TMEM40: variants seen among roughly 807,000 people sequenced by gnomAD.
The protein encoded by TMEM40 is transmembrane protein 40.
Under a neutral mutation model 40.8 loss-of-function variants are expected in TMEM40, and 34 were observed. The observed-to-expected ratio is 0.83, with a 90% CI of 0.63 to 1.11. The LOEUF is 1.11. TMEM40 is among the 50% of genes least tolerant of loss of function. The pLI, the probability that TMEM40 is intolerant of heterozygous loss-of-function variation, is 0.00. For synonymous variants in TMEM40, 106 were observed against 107.0 expected, an observed-to-expected ratio of 0.99 and a Z score of 0.06; for missense variants, 296 against 280.2, an observed-to-expected ratio of 1.06 and a Z score of -0.40.
rs2061338995 is a variant in TMEM40 at position 12,736,570 on chromosome 3, G to C, written c.619+8C>G. ...TGTGTGTGTGTCCATGCTGGGGGAGGGGCTTACCTAGTCCGAAGTAGATGC... is the reference window on the plus strand; with the variant it reads ...TGTGTGTGTGTCCATGCTGGGGGAGCGGCTTACCTAGTCCGAAGTAGATGC... On this transcript the variant is annotated splice_region_variant and intron_variant, in intron 10 of 11. Coordinates refer to ENST00000314124, the MANE Select transcript of TMEM40 (RefSeq NM_018306.4). 2 of 1,552,696 alleles carry C rather than the reference G, an allele frequency of 1.3e-6. No homozygotes were observed. The highest frequency in any genetic ancestry group is 1.7e-6 in the Non-Finnish European group (2 of 1,147,586).
rs147051806 is a variant in TMEM40 at position 12,742,476 on chromosome 3, C to T, written c.333G>A (p.Lys111=). ...TACCTCCATAGAGTTGAAGCTCATC[C>T]TTCAAAACGTCAGGCTCCCCATGCC... is the stretch of plus-strand genomic sequence containing the variant. ...GPGHGEPDVL[K]DELQLYGDAP... The change falls in exon 5 of 12, where the codon AAG becomes AAA. Residue 111 remains lysine, a synonymous_variant. Transcript: ENST00000314124. 6.1e-5 allele frequency: 99 copies of T among 1,613,826 alleles called. No homozygotes were observed. The highest frequency in any genetic ancestry group is 7.5e-5 in the Non-Finnish European group (89 of 1,179,934).
At chr3:12,738,236 G>A in intron 6 of TMEM40, 68 bp from the exon 7 acceptor site, 2 of 1,579,062 alleles carry the variant, frequency 1.3e-6, no homozygotes, top group East Asian at 2.2e-5. Flanking sequence ...CCTCCACCCT[G>A]GGGAAGGCTA....
chr3:12,749,813 G>C lies in TMEM40; in HGVS notation c.20C>G (p.Ser7Cys), dbSNP rs376280227. 6.2e-6 allele frequency: 10 copies of C among 1,613,956 alleles called. No homozygotes were observed. Among genetic ancestry groups the C allele is most frequent in the Non-Finnish European group, 8.5e-6 (10 of 1,180,050 alleles). ...TTGACTGTTGTCCTGAGGCTGGGAG[G>C]AGGATGCTGAAGTCTCCATGGCTTT... METSAS[S>C]SQPQDNSQVH... is the part of the protein sequence containing the mutation. The change falls in exon 2 of 12, where the codon TCC (serine) becomes TGC (cysteine). Residue 7 changes from serine to cysteine, a missense_variant. Transcript: ENST00000314124.
Position 12,749,118 on chromosome 3 carries a change from G to A in TMEM40, c.74-326C>T, listed in dbSNP as rs144861652. On this transcript the variant is annotated intron_variant, in intron 2 of 11. Coordinates refer to ENST00000314124, the MANE Select transcript of TMEM40 (RefSeq NM_018306.4). ...CGGCTCACTGCAAGCTCTGCCTCTC[G>A]GGTTCATGCCATTCTCCTGCCTCAG... 2.6e-3 allele frequency among the ~76,000 whole-genome samples: 397 copies of A among 151,778 alleles called. 1 individual carries two copies. Among genetic ancestry groups the A allele is most frequent in the African/African-American group, 9.1e-3 (377 of 41,382 alleles).
intron 1 of TMEM40, among the ~76,000 whole-genome samples, chr3:12,755,245 T>TCTCTCTCTCTCTC (rs2061517236): frequency 2.8e-5 from 3 of 107,558 alleles, no homozygotes; most frequent in African/African-American, 9.6e-5. Context: ...CTTTCTTTCT[T>TCTCTCTCTCTCTC]TCTTTCTTTC....
chr3:12,765,506 A>C (rs1390239597), intron 1 of TMEM40, among the ~76,000 whole-genome samples: 3 of 151,974 alleles, frequency 2.0e-5, no homozygotes, highest in Non-Finnish European at 4.4e-5. Flanking sequence ...GTTTGAAGAG[A>C]GACAAGAAGG....
At chr3:12,739,590 G>A (rs1429886092) in intron 5 of TMEM40, among the ~76,000 whole-genome samples, 1 of 149,654 alleles carries the variant, frequency 6.7e-6, no homozygotes, top group Non-Finnish European at 1.5e-5. Context: ...GGCTGCCAGT[G>A]ATTTTTTTTT....
At chr3:12,744,954 C>T (rs527612285) in intron 3 of TMEM40, among the ~76,000 whole-genome samples, 2 of 152,234 alleles carry the variant, frequency 1.3e-5, no homozygotes, top group South Asian at 4.1e-4. Context: ...CTATTTTCTT[C>T]TTTTCTATAT....
Position 12,755,213 on chromosome 3 carries a change from TTCTCTC to T in TMEM40, c.-9+3972_-9+3977del, listed in dbSNP as rs754041538. ...TTCCTTCCTTCCTTTCTTTCTTTCT[TTCTCTC>T]TCTCTCTCTCTCTCTCTTTCTTTCT... On this transcript the variant is annotated intron_variant, in intron 1 of 11. Coordinates refer to ENST00000314124, the MANE Select transcript of TMEM40 (RefSeq NM_018306.4). Among the ~76,000 whole-genome samples, 217 of 94,302 alleles carry T rather than the reference TTCTCTC, an allele frequency of 2.3e-3. 7 individuals carry two copies. The highest frequency in any genetic ancestry group is 6.2e-3 in the African/African-American group (142 of 22,940). 61.9% of individuals were successfully genotyped at this position (94,302 alleles called of 152,430 possible).
intron 5 of TMEM40, chr3:12,738,919 C>A: frequency 3.5e-6 from 1 of 289,456 alleles, no homozygotes; most frequent in Non-Finnish European, 6.8e-6. Flanking sequence ...CTTTGGGAGG[C>A]CAAGGTGGGC....
rs748191325 is a variant in TMEM40 at position 12,737,741 on chromosome 3, G to A, written c.438C>T (p.Ala146=). The A allele has an allele frequency of 2.5e-6, 4 of 1,613,990 alleles. No individual in the cohort carries two copies. In the South Asian group the frequency reaches 4.4e-5, roughly 18 times the overall value. ...GSDPASGEVE[A]SQLRRLNIKK... is the part of the protein sequence containing the mutation. ...TTATATTCAGTCTTCTTAACTGAGA[G>A]GCCTCCACTTCTCCTTAAGAACAAG... is the stretch of plus-strand genomic sequence containing the variant. The change falls in exon 8 of 12, where the codon GCC becomes GCT. Residue 146 remains alanine, a synonymous_variant. Transcript: ENST00000314124.
intron 3 of TMEM40, among the ~76,000 whole-genome samples, chr3:12,745,771 G>C (rs2061422573): frequency 6.6e-6 from 1 of 151,178 alleles, no homozygotes; most frequent in African/African-American, 2.4e-5. Flanking sequence ...TTAAATAAAA[G>C]GTATTATGGA....
intron 2 of TMEM40, 147 bp from the exon 3 acceptor site, chr3:12,748,939 G>T (rs2061451167): frequency 2.9e-6 from 2 of 694,936 alleles, no homozygotes; most frequent in Non-Finnish European, 2.4e-6. Context: ...AATGCAACAT[G>T]CAGGAGACCA....
chr3:12,743,067 G>A (rs2061395960), intron 4 of TMEM40, among the ~76,000 whole-genome samples: 2 of 152,158 alleles, frequency 1.3e-5, no homozygotes, highest in Non-Finnish European at 2.9e-5. Context: ...CTTCTGTGTG[G>A]CAGGTTCTGT....
intron 1 of TMEM40, among the ~76,000 whole-genome samples, chr3:12,755,229 CTCTCTCTTTCTTTCTTTCTT>C (rs1486225873): frequency 3.1e-5 from 2 of 65,504 alleles, no homozygotes; most frequent in South Asian, 4.1e-4. Flanking sequence ...CTCTCTCTCT[CTCTCTCTTTCTTTCTTTCTT>C]TCTTTCTTTC....
intron 7 of TMEM40, 119 bp from the exon 8 acceptor site, chr3:12,737,873 C>T: frequency 9.2e-7 from 1 of 1,090,546 alleles, no homozygotes; most frequent in Non-Finnish European, 1.4e-6. Flanking sequence ...TCAGAGGGCA[C>T]TCACTGCAGG....
chr3:12,736,507 G>A (rs1372079051), intron 10 of TMEM40, 71 bp downstream of exon 10: 1 of 1,515,958 alleles, frequency 6.6e-7, no homozygotes, highest in Non-Finnish European at 9.0e-7. Context: ...GAATGAGTAT[G>A]AAAATGAATA....
At chr3:12,753,191 T>TTTTCTTTCTTTCTTTC (rs1244573677) in intron 1 of TMEM40, among the ~76,000 whole-genome samples, 17 of 143,010 alleles carry the variant, frequency 1.2e-4, no homozygotes, top group African/African-American at 4.1e-4. Context: ...TTTTTGCCTT[T>TTTTCTTTCTTTCTTTC]TTTCTTTCTT....
At chr3:12,754,871 A>G (rs1251740473) in intron 1 of TMEM40, among the ~76,000 whole-genome samples, 1 of 152,228 alleles carries the variant, frequency 6.6e-6, no homozygotes, top group Non-Finnish European at 1.5e-5. Context: ...GCTCAGAAGG[A>G]AAGGTCAGTA....
Sources: allele counts gnomAD v4.1 joint callset (sites outside exome capture counted in the v4.1 genomes callset), GRCh38; gene constraint gnomAD v4.1.1; transcripts MANE v1.5; gene names NCBI Gene and HGNC (gene_info 2026-07-23, HGNC 2026-07-21).